The following DOCK3 variants were observed in gnomAD, a reference collection of about 807,000 sequenced individuals.
DOCK3 encodes dedicator of cytokinesis 3, also known as dedicator of cytokinesis protein 3.
DOCK3 carries 60 observed loss-of-function variants against 265.6 expected under a neutral mutation model. The ratio of observed to expected loss-of-function variants is 0.23; its 90% CI spans 0.18 to 0.28. The LOEUF is 0.28. Ranked by LOEUF, DOCK3 falls within the 10% of genes least tolerant of loss-of-function variation. The pLI, the probability that DOCK3 is intolerant of heterozygous loss-of-function variation, is 1.00. For synonymous variants in DOCK3, 881 were observed against 938.0 expected (o/e 0.94, Z 1.11); for missense variants, 1,981 against 2,594.3 (o/e 0.76, Z 5.14).
intron 1 of DOCK3, among the ~76,000 whole-genome samples, chr3:50,723,985 T>C (rs1210842980): frequency 6.6e-6 from 1 of 152,120 alleles, no homozygotes; most frequent in Non-Finnish European, 1.5e-5. Flanking sequence ...TACAAAGAAC[T>C]TAAGCAGATT....
chr3:51,064,685 T>C (rs2081530738), intron 6 of DOCK3, 89 bp downstream of exon 6: 4 of 1,478,900 alleles, frequency 2.7e-6, no homozygotes, highest in Non-Finnish European at 3.7e-6. Flanking sequence ...AGCTTCTCTT[T>C]AATGATTCAA....
At chr3:50,804,301 G>T (rs978646606) in intron 2 of DOCK3, among the ~76,000 whole-genome samples, 8 of 152,140 alleles carry the variant, frequency 5.3e-5, no homozygotes, top group Non-Finnish European at 1.2e-4. Context: ...ACGATGGGTG[G>T]CCAGGCAGAG....
intron 38 of DOCK3, among the ~76,000 whole-genome samples, chr3:51,346,017 GTC>G (rs2085539034): frequency 1.3e-5 from 2 of 152,210 alleles, no homozygotes; most frequent in Admixed American, 1.3e-4. Flanking sequence ...TATTCTTCTA[GTC>G]TCTCTACTTT....
At chr3:51,203,038 A>G (rs2088909082) in intron 12 of DOCK3, among the ~76,000 whole-genome samples, 2 of 152,338 alleles carry the variant, frequency 1.3e-5, no homozygotes, top group East Asian at 1.9e-4. Context: ...AGAGCTATCT[A>G]TCACAAACCC....
At chr3:51,189,421 TC>T (rs1301392987) in intron 12 of DOCK3, among the ~76,000 whole-genome samples, 1 of 152,074 alleles carries the variant, frequency 6.6e-6, no homozygotes, top group African/African-American at 2.4e-5. Context: ...TCTCCCACCC[TC>T]CCCTTTCTGA....
chr3:50,803,504 C>A (rs1321877566), intron 2 of DOCK3, among the ~76,000 whole-genome samples: 1 of 152,228 alleles, frequency 6.6e-6, no homozygotes, highest in African/African-American at 2.4e-5. Flanking sequence ...AATCTGATTT[C>A]TCTTTCCTTT....
intron 1 of DOCK3, among the ~76,000 whole-genome samples, chr3:50,686,557 C>G (rs1277302783): frequency 6.6e-6 from 1 of 152,172 alleles, no homozygotes; most frequent in Admixed American, 6.5e-5. Flanking sequence ...CTTTTGAAAG[C>G]TGAGATACGT....
intron 9 of DOCK3, among the ~76,000 whole-genome samples, chr3:51,097,699 C>A (rs559682045): frequency 6.6e-6 from 1 of 152,236 alleles, no homozygotes; most frequent in Non-Finnish European, 1.5e-5. Context: ...TCTGCCCAAA[C>A]GGCCGCCTAG....
At chr3:51,379,349 T>G in intron 51 of DOCK3, 1 of 971,836 alleles carries the variant, frequency 1.0e-6, no homozygotes, top group Non-Finnish European at 1.2e-6. Flanking sequence ...ACATGTGTGC[T>G]GGATACGTGG....
chr3:50,868,524 C>G (rs1330624070), intron 3 of DOCK3, among the ~76,000 whole-genome samples: 1 of 152,112 alleles, frequency 6.6e-6, no homozygotes, highest in East Asian at 1.9e-4. Flanking sequence ...CAGGCACACA[C>G]CATCACACCC....
At chr3:51,220,381 G>T (rs114827791) in intron 14 of DOCK3, among the ~76,000 whole-genome samples, 1,636 of 152,082 alleles carry the variant, frequency 0.011, 37 homozygotes, top group African/African-American at 0.037. Context: ...ATTGGGCAGG[G>T]TGCGGTGGCT....
Position 51,260,235 on chromosome 3 carries a change from A to G in DOCK3, c.2264A>G (p.Gln755Arg), listed in dbSNP as rs2079779983. 6.2e-7 allele frequency: 1 copy of G among 1,613,948 alleles called. No homozygotes were observed. Among genetic ancestry groups the G allele is most frequent in the Non-Finnish European group, 8.5e-7 (1 of 1,179,886 alleles). ...SRATCGMEEE[Q>R]FRSSIQELFQ... Reference sequence around the variant, plus strand: ...GCCACTTGTGGAATGGAAGAGGAACAATTCAGATCCAGTATCCAAGAACTT... The same window carrying G: ...GCCACTTGTGGAATGGAAGAGGAACGATTCAGATCCAGTATCCAAGAACTT... The change falls in exon 23 of 53, where the codon CAA becomes CGA. Residue 755 changes from glutamine to arginine, a missense_variant. Gln to Arg is a conservative substitution (Grantham distance 43). Transcript: ENST00000266037.
At chr3:50,796,313 G>T (rs2042778662) in intron 2 of DOCK3, among the ~76,000 whole-genome samples, 1 of 151,586 alleles carries the variant, frequency 6.6e-6, no homozygotes, top group Non-Finnish European at 1.5e-5. Flanking sequence ...TTACAGGCGT[G>T]AGCCACCATG....
intron 9 of DOCK3, among the ~76,000 whole-genome samples, chr3:51,119,971 A>G (rs4364203): frequency 0.76 from 115,336 of 151,744 alleles, 44,828 homozygotes; most frequent in Middle Eastern, 0.88. Flanking sequence ...CTGTCAATTC[A>G]TCAGACTCAT....
chr3:50,727,983 T>C (rs1310679625), intron 1 of DOCK3, among the ~76,000 whole-genome samples: 2 of 152,194 alleles, frequency 1.3e-5, no homozygotes, highest in Non-Finnish European at 2.9e-5. Flanking sequence ...AAATTTTAGA[T>C]CATTATACCC....
At position 50,780,560 on chromosome 3, in the gene DOCK3, A is replaced by G. The variant is rs1254750273; in HGVS notation, c.121+1802A>G. On this transcript the variant is annotated intron_variant, in intron 2 of 52. Coordinates refer to ENST00000266037, the MANE Select transcript of DOCK3 (RefSeq NM_004947.5). ...GTGCCAGGCTCTGTTTAAAATTTTT[A>G]TTTTTTAATTGACAAATAATAGTTG... 2.6e-5 allele frequency among the ~76,000 whole-genome samples: 4 copies of G among 152,038 alleles called. No individual in the cohort carries two copies. The East Asian group carries it at 7.7e-4, about 29-fold the overall frequency.
At chr3:50,954,904 T>A (rs551787152) in intron 5 of DOCK3, among the ~76,000 whole-genome samples, 1 of 152,330 alleles carries the variant, frequency 6.6e-6, no homozygotes, top group South Asian at 2.1e-4. Context: ...TGCCCATTCT[T>A]ATGTCCAGGG....
At position 51,229,517 on chromosome 3, in the gene DOCK3, C is replaced by A. The variant is rs2108395548; in HGVS notation, c.1825C>A (p.Leu609Ile). Residue 609 changes from leucine (L) to isoleucine (I), a missense_variant, in exon 19 of 53, where the codon CTC becomes ATC. By Grantham distance (5) the Leu-to-Ile change is conservative. Around this residue, in one of 4 missense-constraint regions of DOCK3, gnomAD observed 1,357 missense variants for 1,866.8 expected, o/e 0.73. Coordinates refer to ENST00000266037, the MANE Select transcript of DOCK3 (RefSeq NM_004947.5). ...CTTTTGGGCTTGCTTTCTAGTGGAC[C>A]TCCTAGCTCTGCTGAAGTGGAAAGC... The part of the protein sequence containing the change: ...SSTKLTQNVD[L>I]LALLKWKAFP... 1 of 1,589,582 alleles carries A rather than the reference C, an allele frequency of 6.3e-7. No homozygotes were observed. Among genetic ancestry groups the A allele is most frequent in the Non-Finnish European group, 8.5e-7 (1 of 1,170,190 alleles).
At chr3:51,315,234 T>G in intron 32 of DOCK3, 106 bp downstream of exon 32, 1 of 1,336,516 alleles carries the variant, frequency 7.5e-7, no homozygotes, top group South Asian at 1.8e-5. Flanking sequence ...TGGGCTGTAG[T>G]TTGGCTAATT....
Sources: allele counts gnomAD v4.1 joint callset (sites outside exome capture counted in the v4.1 genomes callset), GRCh38; gene constraint gnomAD v4.1.1; regional missense constraint gnomAD v4.1.1; transcripts MANE v1.5; gene names NCBI Gene and HGNC (gene_info 2026-07-23, HGNC 2026-07-21).